Variants in DACH1 observed in about 807,000 individuals in gnomAD.
DACH1 encodes the protein dachshund homolog 1.
A neutral mutation model predicts 54.2 loss-of-function variants in DACH1; 12 were observed. The ratio of observed to expected loss-of-function variants is 0.22; its 90% CI spans 0.14 to 0.36. The LOEUF (loss-of-function observed/expected upper bound fraction) is 0.36. Ranked by LOEUF, DACH1 falls within the 10% of genes least tolerant of loss-of-function variation. The pLI is 1.00. For missense variants in DACH1, 805 were observed against 929.8 expected (o/e 0.87, Z 1.75); for synonymous variants, 386 against 366.2 (o/e 1.05, Z -0.62).
chr13:71,651,254 C>G (rs771769693), intron 2 of DACH1, among the ~76,000 whole-genome samples: 1 of 151,840 alleles, frequency 6.6e-6, no homozygotes, highest in Non-Finnish European at 1.5e-5. Flanking sequence ...GTAATCCCAG[C>G]ACTTTGGGAG....
At chr13:71,800,147 G>A (rs1594237548) in intron 1 of DACH1, among the ~76,000 whole-genome samples, 1 of 152,160 alleles carries the variant, frequency 6.6e-6, no homozygotes. Context: ...TATAAAAAGC[G>A]AAAGTTGGAC....
At chr13:71,678,486 A>G (rs1018572960) in intron 2 of DACH1, among the ~76,000 whole-genome samples, 4 of 152,180 alleles carry the variant, frequency 2.6e-5, no homozygotes, top group African/African-American at 9.7e-5. Context: ...TCTTTGGACT[A>G]ATGTTTGAAA....
intron 10 of DACH1, among the ~76,000 whole-genome samples, chr13:71,474,303 T>C (rs565098619): frequency 1.3e-5 from 2 of 152,282 alleles, no homozygotes; most frequent in African/African-American, 4.8e-5. Flanking sequence ...ATTAACGTCA[T>C]ATGATATCCT....
chr13:71,791,922 C>T (rs1886848297), intron 1 of DACH1, among the ~76,000 whole-genome samples: 1 of 152,150 alleles, frequency 6.6e-6, no homozygotes, highest in Non-Finnish European at 1.5e-5. Flanking sequence ...CTCTAGCTAG[C>T]AACCTCTCCA....
At chr13:71,808,961 C>T (rs1302222801) in intron 1 of DACH1, among the ~76,000 whole-genome samples, 2 of 152,138 alleles carry the variant, frequency 1.3e-5, no homozygotes, top group Non-Finnish European at 2.9e-5. Flanking sequence ...GGAATGAAAG[C>T]TGATGCATAC....
intron 6 of DACH1, among the ~76,000 whole-genome samples, chr13:71,522,226 G>A (rs2138283854): frequency 6.6e-6 from 1 of 152,156 alleles, no homozygotes; most frequent in Non-Finnish European, 1.5e-5. Flanking sequence ...TCTCTGCAAT[G>A]TGGGGTGAGT....
At chr13:71,676,908 C>A (rs1279344409) in intron 2 of DACH1, among the ~76,000 whole-genome samples, 1 of 152,078 alleles carries the variant, frequency 6.6e-6, no homozygotes, top group African/African-American at 2.4e-5. Context: ...AAAGACATAT[C>A]CAACAGACAA....
chr13:71,803,644 A>T (rs1038891702), intron 1 of DACH1, among the ~76,000 whole-genome samples: 1 of 152,176 alleles, frequency 6.6e-6, no homozygotes, highest in Non-Finnish European at 1.5e-5. Flanking sequence ...ATTATGAAGA[A>T]AAAAATCATG....
In DACH1 at chr13:71,571,729, C is replaced by T. The variant is rs61957824; in HGVS notation, c.1299+1111G>A. Among the ~76,000 whole-genome samples the T allele has an allele frequency of 2.7e-5, 4 of 146,344 alleles. 1 individual carries two copies. In the South Asian group the frequency reaches 6.4e-4, roughly 23 times the overall value. ...ACATTGTATGTAAGTAGTAACAGGG[C>T]CTTTTTTTTTTTTTTTTTTTCTTTG... is the stretch of plus-strand genomic sequence containing the variant. On this transcript the variant is annotated intron_variant, in intron 4 of 10. Coordinates refer to ENST00000613252, the MANE Select transcript of DACH1 (RefSeq NM_080759.6).
At chr13:71,801,273 T>A (rs568013453) in intron 1 of DACH1, among the ~76,000 whole-genome samples, 1 of 152,242 alleles carries the variant, frequency 6.6e-6, no homozygotes, top group Admixed American at 6.5e-5. Flanking sequence ...GCTCTCAGGA[T>A]CTCTGTTTGC....
intron 10 of DACH1, among the ~76,000 whole-genome samples, chr13:71,473,778 C>T (rs1396749226): frequency 1.3e-5 from 2 of 152,124 alleles, no homozygotes; most frequent in Admixed American, 6.6e-5. Context: ...CATGTGCTTT[C>T]TGAGACCACT....
rs1873679209 is a variant in DACH1 at position 71,438,172 on chromosome 13, G to T, written c.*2483C>A. On this transcript the variant is annotated 3_prime_UTR_variant, in exon 11 of 11. Coordinates refer to ENST00000613252, the MANE Select transcript of DACH1 (RefSeq NM_080759.6). ...TCGTAATAACCTTTTATCATTTTTA[G>T]AAAACTTTAAATATATAGATAAAAA... 2 of 152,224 alleles carry T rather than the reference G, an allele frequency of 1.3e-5. No individual in the cohort carries two copies. Among genetic ancestry groups the T allele is most frequent in the African/African-American group, 4.8e-5 (2 of 41,400 alleles). The allele number at this position is 152,224 out of a possible 1,614,324, so 9.4% of individuals were successfully genotyped here.
At chr13:71,448,846 G>A (rs1236246654) in intron 10 of DACH1, among the ~76,000 whole-genome samples, 2 of 140,894 alleles carry the variant, frequency 1.4e-5, no homozygotes, top group Non-Finnish European at 1.5e-5. Context: ...TTTCAAGGTT[G>A]TAACTGGGGA....
At chr13:71,856,862 T>C (rs1481129253) in intron 1 of DACH1, among the ~76,000 whole-genome samples, 1 of 151,950 alleles carries the variant, frequency 6.6e-6, no homozygotes, top group Non-Finnish European at 1.5e-5. Context: ...ACACATCTCC[T>C]TATGTAGACC....
At chr13:71,612,218 T>C (rs1432183368) in intron 3 of DACH1, among the ~76,000 whole-genome samples, 1 of 152,126 alleles carries the variant, frequency 6.6e-6, no homozygotes, top group East Asian at 1.9e-4. Context: ...TGAAATGCTA[T>C]AGTAGAATCC....
intron 1 of DACH1, among the ~76,000 whole-genome samples, chr13:71,776,863 A>G (rs1886087433): frequency 6.6e-6 from 1 of 152,034 alleles, no homozygotes; most frequent in African/African-American, 2.4e-5. Context: ...ACCTTCAGCA[A>G]GTGACTTCTC....
At chr13:71,680,388 G>T (rs1297493159) in intron 2 of DACH1, among the ~76,000 whole-genome samples, 1 of 152,100 alleles carries the variant, frequency 6.6e-6, no homozygotes, top group Non-Finnish European at 1.5e-5. Flanking sequence ...GGTCACTTGA[G>T]TCCAAGTGTT....
At chr13:71,856,834 A>G (rs923518666) in intron 1 of DACH1, among the ~76,000 whole-genome samples, 2 of 151,960 alleles carry the variant, frequency 1.3e-5, no homozygotes, top group Non-Finnish European at 2.9e-5. Flanking sequence ...ATTATAGTCC[A>G]CTGCAAGAAG....
intron 10 of DACH1, among the ~76,000 whole-genome samples, chr13:71,458,294 T>C (rs1024417176): frequency 3.3e-5 from 5 of 151,980 alleles, no homozygotes; most frequent in African/African-American, 1.2e-4. Context: ...TTATTTCCTG[T>C]TTGCAAAAAT....
Sources: allele counts gnomAD v4.1 joint callset (sites outside exome capture counted in the v4.1 genomes callset), GRCh38; gene constraint gnomAD v4.1.1; transcripts MANE v1.5; gene names NCBI Gene and HGNC (gene_info 2026-07-23, HGNC 2026-07-21).